The following EFL1 variants were observed in gnomAD, a reference collection of about 807,000 sequenced individuals.
The protein encoded by EFL1 is elongation factor like GTPase 1.
In EFL1, 76 loss-of-function variants were observed where a neutral mutation model predicts 126.7. The ratio of observed to expected loss-of-function variants is 0.60; its 90% CI spans 0.50 to 0.73. EFL1 has a LOEUF of 0.73. Among genes scored for constraint, EFL1 ranks in the 30% least tolerant of loss-of-function variants. EFL1 has a pLI of 0.00. For synonymous variants in EFL1, 410 were observed against 448.4 expected, an observed-to-expected ratio of 0.91 and a Z score of 1.08; for missense variants, 1,128 against 1,343.2, an observed-to-expected ratio of 0.84 and a Z score of 2.50.
intron 15 of EFL1, among the ~76,000 whole-genome samples, chr15:82,164,541 A>C (rs1473014450): frequency 6.6e-6 from 1 of 152,148 alleles, no homozygotes; most frequent in Non-Finnish European, 1.5e-5. Flanking sequence ...TGATGATTGC[A>C]TGAGACTCTG....
chr15:82,180,637 A>G (rs1270092170), intron 15 of EFL1, among the ~76,000 whole-genome samples: 1 of 152,222 alleles, frequency 6.6e-6, no homozygotes, highest in African/African-American at 2.4e-5. Context: ...AGTAAAGTAG[A>G]ATAAAATAAC....
intron 15 of EFL1, among the ~76,000 whole-genome samples, chr15:82,193,291 A>G (rs1255830789): frequency 2.6e-5 from 4 of 152,218 alleles, no homozygotes; most frequent in Non-Finnish European, 5.9e-5. Context: ...CCATTAATAC[A>G]TATTGAGCAC....
rs1217246209 is a variant in EFL1 at position 82,163,961 on chromosome 15, C to T, written c.1774G>A (p.Val592Met). The T allele has an allele frequency of 6.2e-7, 1 of 1,613,802 alleles. No individual in the cohort carries two copies. The highest frequency in any genetic ancestry group is 8.5e-7 in the Non-Finnish European group (1 of 1,179,922). The part of the protein sequence containing the change: ...VLGIGGLQDF[V>M]LKSATLCSLP... ...CTACACAGTGTTGCAGATTTCAGCA[C>T]AAAATCTTGAAGGCCTCCTATTCCT... The change falls in exon 16 of 20, where the codon GTG (valine) becomes ATG (methionine). Residue 592 changes from valine to methionine, a missense_variant. Physicochemically the swap from Val to Met is conservative, Grantham distance 21. Around this residue, in one of 6 missense-constraint regions of EFL1, gnomAD observed 561 missense variants for 641.7 expected, o/e 0.87. Coordinates refer to ENST00000268206, the MANE Select transcript of EFL1 (RefSeq NM_024580.6).
rs546089502 is a variant in EFL1 at position 82,230,070 on chromosome 15, AT to A, written c.855+777del. ...TATATTGTTTATAAAAAAGCTTTTA[AT>A]GGCAAGGGAAGATGTTCATGATATG... On this transcript the variant is annotated intron_variant, in intron 8 of 19. Transcript: ENST00000268206. Among the ~76,000 whole-genome samples the A allele has an allele frequency of 2.4e-3, 362 of 152,200 alleles. 1 individual carries two copies. Among genetic ancestry groups the A allele is most frequent in the Non-Finnish European group, 3.8e-3 (259 of 68,032 alleles).
chr15:82,132,526 C>G (rs891886445), intron 19 of EFL1, among the ~76,000 whole-genome samples: 1 of 140,326 alleles, frequency 7.1e-6, no homozygotes, highest in African/African-American at 2.7e-5. Flanking sequence ...AAAAGGCAGA[C>G]AGTAGAAGTG....
At chr15:82,137,421 C>A (rs1170629060) in intron 19 of EFL1, among the ~76,000 whole-genome samples, 1 of 152,160 alleles carries the variant, frequency 6.6e-6, no homozygotes, top group African/African-American at 2.4e-5. Flanking sequence ...GAATGCCACA[C>A]CGCTGAGAGC....
chr15:82,213,959 T>C (rs1001024174), intron 15 of EFL1, among the ~76,000 whole-genome samples: 1 of 152,218 alleles, frequency 6.6e-6, no homozygotes, highest in African/African-American at 2.4e-5. Context: ...GACAAACCAT[T>C]AGCTATTCTG....
chr15:82,240,635 A>C, intron 5 of EFL1, 80 bp from the exon 6 acceptor site: 2 of 1,508,652 alleles, frequency 1.3e-6, no homozygotes, highest in Middle Eastern at 2.0e-4. Context: ...ATTAATAACC[A>C]CTCTAGACTA....
chr15:82,190,688 G>T (rs2074350230), intron 15 of EFL1, among the ~76,000 whole-genome samples: 1 of 152,070 alleles, frequency 6.6e-6, no homozygotes, highest in Non-Finnish European at 1.5e-5. Flanking sequence ...CACAATAAGG[G>T]ATTTTACTTT....
At chr15:82,248,524 CCTT>C (rs1212722028) in intron 4 of EFL1, among the ~76,000 whole-genome samples, 1 of 152,124 alleles carries the variant, frequency 6.6e-6, no homozygotes, top group South Asian at 2.1e-4. Flanking sequence ...CGTAAATCCT[CCTT>C]CTGCCCACAA....
intron 3 of EFL1, among the ~76,000 whole-genome samples, chr15:82,257,824 T>C (rs567973088): frequency 1.3e-5 from 2 of 152,270 alleles, no homozygotes; most frequent in Non-Finnish European, 2.9e-5. Context: ...AAAAACAAAC[T>C]TCTGGCTTCA....
chr15:82,234,500 G>A (rs1458025915), intron 7 of EFL1, among the ~76,000 whole-genome samples: 2 of 151,710 alleles, frequency 1.3e-5, no homozygotes, highest in African/African-American at 2.4e-5. Flanking sequence ...ATCATCTTTC[G>A]GGCATCAAAT....
intron 16 of EFL1, 145 bp downstream of exon 16, chr15:82,163,708 C>T: frequency 1.1e-6 from 1 of 948,106 alleles, no homozygotes; most frequent in Non-Finnish European, 1.5e-6. Context: ...AGTTAGATGC[C>T]CTTTGAAGAG....
At chr15:82,167,535 G>GA (rs1330638557) in intron 15 of EFL1, among the ~76,000 whole-genome samples, 2 of 152,032 alleles carry the variant, frequency 1.3e-5, no homozygotes, top group Non-Finnish European at 2.9e-5. Context: ...ATATGAGACT[G>GA]AAAAAAATTG....
intron 17 of EFL1, chr15:82,157,483 T>C (rs2141235233): frequency 2.5e-6 from 1 of 407,180 alleles, no homozygotes; most frequent in Non-Finnish European, 4.3e-6. Context: ...AGAAAAACAT[T>C]TTATGACTTA....
At chr15:82,162,998 C>T (rs949808960) in intron 16 of EFL1, among the ~76,000 whole-genome samples, 1 of 152,038 alleles carries the variant, frequency 6.6e-6, no homozygotes, top group Non-Finnish European at 1.5e-5. Flanking sequence ...AGTCATGGGA[C>T]GTGAAATACA....
intron 16 of EFL1, among the ~76,000 whole-genome samples, chr15:82,162,487 G>A (rs533314636): frequency 1.3e-5 from 2 of 152,134 alleles, no homozygotes; most frequent in African/African-American, 4.8e-5. Context: ...GATTGAACAC[G>A]GTAGACAGGG....
At chr15:82,223,125 T>G (rs1180729921) in intron 12 of EFL1, among the ~76,000 whole-genome samples, 2 of 152,158 alleles carry the variant, frequency 1.3e-5, no homozygotes, top group Non-Finnish European at 2.9e-5. Flanking sequence ...CACATATCAC[T>G]AATACATTGT....
At chr15:82,191,554 C>A (rs559962705) in intron 15 of EFL1, among the ~76,000 whole-genome samples, 41 of 151,196 alleles carry the variant, frequency 2.7e-4, no homozygotes, top group African/African-American at 9.6e-4. Context: ...CAAACTCATT[C>A]ATTTCAGTGA....
Sources: allele counts gnomAD v4.1 joint callset (sites outside exome capture counted in the v4.1 genomes callset), GRCh38; gene constraint gnomAD v4.1.1; regional missense constraint gnomAD v4.1.1; transcripts MANE v1.5; gene names NCBI Gene and HGNC (gene_info 2026-07-23, HGNC 2026-07-21).